Variants in PAPSS1 observed in about 807,000 individuals in gnomAD.
PAPSS1 encodes the protein 3'-phosphoadenosine 5'-phosphosulfate synthase 1.
A neutral mutation model predicts 72.0 loss-of-function variants in PAPSS1; 50 were observed. That is an observed-to-expected ratio of 0.69 (90% CI 0.55 to 0.88). PAPSS1 has a LOEUF of 0.88. Among genes scored for constraint, PAPSS1 ranks in the 40% least tolerant of loss-of-function variants. PAPSS1 has a pLI of 0.00. For synonymous variants in PAPSS1, 261 were observed against 263.6 expected (o/e 0.99, Z 0.09); for missense variants, 657 against 782.2 (o/e 0.84, Z 1.91).
intron 5 of PAPSS1, among the ~76,000 whole-genome samples, chr4:107,681,799 T>C (rs921845229): frequency 6.6e-6 from 1 of 152,086 alleles, no homozygotes; most frequent in Non-Finnish European, 1.5e-5. Flanking sequence ...CCTCCTGAGG[T>C]TTATACTGAC....
chr4:107,655,991 T>C (rs749280067), intron 7 of PAPSS1, among the ~76,000 whole-genome samples: 10 of 152,232 alleles, frequency 6.6e-5, no homozygotes, highest in Non-Finnish European at 1.0e-4. Context: ...GCAATTATAG[T>C]AGGGTTCTGT....
At chr4:107,716,751 C>A (rs1195888407) in intron 1 of PAPSS1, among the ~76,000 whole-genome samples, 2 of 152,196 alleles carry the variant, frequency 1.3e-5, no homozygotes, top group African/African-American at 4.8e-5. Flanking sequence ...AAGTCAATTT[C>A]TTGGTTTTTC....
chr4:107,643,348 C>G (rs1726605309), intron 10 of PAPSS1, among the ~76,000 whole-genome samples: 1 of 152,190 alleles, frequency 6.6e-6, no homozygotes, highest in African/African-American at 2.4e-5. Flanking sequence ...CTCCCATGGG[C>G]AGCCAACCCC....
chr4:107,671,633 TC>T (rs1484506973), intron 5 of PAPSS1, among the ~76,000 whole-genome samples: 1 of 152,138 alleles, frequency 6.6e-6, no homozygotes, highest in Non-Finnish European at 1.5e-5. Flanking sequence ...TGTACAGTCA[TC>T]CCTCAGTATC....
chr4:107,630,242 T>C (rs1395951732), intron 11 of PAPSS1, among the ~76,000 whole-genome samples: 2 of 152,258 alleles, frequency 1.3e-5, no homozygotes, highest in Non-Finnish European at 2.9e-5. Context: ...TTTATTTTTA[T>C]GTTTTAATTC....
At chr4:107,682,203 A>C (rs973612206) in intron 4 of PAPSS1, 70 bp from the exon 5 acceptor site, 19 of 779,126 alleles carry the variant, frequency 2.4e-5, no homozygotes, top group Non-Finnish European at 3.7e-5. Flanking sequence ...TTCAGTGCAG[A>C]TCTCTGCTAC....
chr4:107,705,818 G>C (rs1406654792), intron 1 of PAPSS1, among the ~76,000 whole-genome samples: 1 of 152,146 alleles, frequency 6.6e-6, no homozygotes, highest in Non-Finnish European at 1.5e-5. Flanking sequence ...TTTCAGCTTG[G>C]AGAACTCCCT....
At position 107,644,817 on chromosome 4, in the gene PAPSS1, A is replaced by G; in HGVS notation, c.1491T>C (p.Tyr497=). 1 of 1,612,562 alleles carries G rather than the reference A, an allele frequency of 6.2e-7. No homozygotes were observed. Among genetic ancestry groups the G allele is most frequent in the East Asian group, 2.2e-5 (1 of 44,860 alleles). Residue 497 remains tyrosine, a synonymous_variant, in exon 10 of 12, where the codon TAT becomes TAC. Transcript: ENST00000265174. ...AGCAGTCTACCTCAGTTGGTCCAGC[A>G]TACATCATGGGAGATGGGAAGATGG... ...VVAIFPSPMM[Y]AGPTEVQWHC...
At chr4:107,672,900 C>G (rs1432383396) in intron 5 of PAPSS1, among the ~76,000 whole-genome samples, 2 of 152,210 alleles carry the variant, frequency 1.3e-5, no homozygotes, top group Non-Finnish European at 2.9e-5. Flanking sequence ...ATTTACTGCT[C>G]ACCAATATCC....
In PAPSS1 at chr4:107,614,338, G is replaced by A. The variant is rs780318513; in HGVS notation, c.1786C>T (p.Arg596Ter). ...ISGTRMRKLA[R>*]EGQKPPEGFM... ...CCTTCAGGTGGTTTCTGGCCTTCTC[G>A]AGCAAGTTTGCGCATTCGTGTTCCT... Residue 596 changes from arginine to a stop codon, truncating the protein, a stop_gained, in exon 12 of 12, where the codon CGA becomes TGA. Coordinates refer to ENST00000265174, the MANE Select transcript of PAPSS1 (RefSeq NM_005443.5). LOFTEE classifies it high-confidence loss of function. 29 of 1,613,736 alleles carry A rather than the reference G, an allele frequency of 1.8e-5. No homozygotes were observed. The highest frequency in any genetic ancestry group is 4.0e-5 in the African/African-American group (3 of 74,906).
chr4:107,653,615 T>C lies in PAPSS1; in HGVS notation c.1113A>G (p.Glu371=). 6.2e-7 allele frequency: 1 copy of C among 1,611,578 alleles called. No individual in the cohort carries two copies. Among genetic ancestry groups the C allele is most frequent in the Non-Finnish European group, 8.5e-7 (1 of 1,179,216 alleles). Residue 371 remains glutamate (E), a synonymous_variant, in exon 9 of 12, where the codon GAA becomes GAG. Transcript: ENST00000265174. Reference sequence around the variant, plus strand: ...CTCCTCCAATCAGCCAATCTCCTTGTTCCATCACCATCTAATAGGAAAAAC... The same window carrying C: ...CTCCTCCAATCAGCCAATCTCCTTGCTCCATCACCATCTAATAGGAAAAAC... The part of the protein sequence containing the change: ...KNHPYIKMVM[E]QGDWLIGGDL...
At chr4:107,699,010 G>T (rs1054586369) in intron 2 of PAPSS1, among the ~76,000 whole-genome samples, 1 of 152,012 alleles carries the variant, frequency 6.6e-6, no homozygotes, top group Non-Finnish European at 1.5e-5. Flanking sequence ...TAGGGTGGGG[G>T]CAAGGTGATG....
At chr4:107,626,294 A>G (rs1231865920) in intron 11 of PAPSS1, among the ~76,000 whole-genome samples, 2 of 152,030 alleles carry the variant, frequency 1.3e-5, no homozygotes, top group African/African-American at 4.8e-5. Context: ...TCATTTACCC[A>G]TTTCCACAAG....
intron 1 of PAPSS1, among the ~76,000 whole-genome samples, chr4:107,711,065 A>C (rs1451184774): frequency 6.6e-6 from 1 of 152,222 alleles, no homozygotes; most frequent in African/African-American, 2.4e-5. Flanking sequence ...ATTTTCCACA[A>C]TGCCCAACCT....
intron 1 of PAPSS1, chr4:107,719,776 G>A: frequency 1.7e-6 from 2 of 1,143,776 alleles, no homozygotes; most frequent in Non-Finnish European, 1.1e-6. Flanking sequence ...TGCAGCCGCA[G>A]GTTTCAGCAC....
chr4:107,693,278 G>C (rs1459489740), intron 3 of PAPSS1, among the ~76,000 whole-genome samples: 1 of 152,164 alleles, frequency 6.6e-6, no homozygotes, highest in African/African-American at 2.4e-5. Flanking sequence ...CAAAAATCCT[G>C]AGATAAGAAA....
At chr4:107,661,175 A>G (rs1727171134) in intron 5 of PAPSS1, among the ~76,000 whole-genome samples, 2 of 152,220 alleles carry the variant, frequency 1.3e-5, no homozygotes. Flanking sequence ...CTATCAGGAT[A>G]GCCAAAATCC....
At chr4:107,715,247 G>A (rs771301664) in intron 1 of PAPSS1, among the ~76,000 whole-genome samples, 13 of 152,154 alleles carry the variant, frequency 8.5e-5, no homozygotes, top group Non-Finnish European at 1.6e-4. Context: ...ATCGTGAACC[G>A]GACAACACAG....
chr4:107,646,642 C>T (rs1417145738), intron 9 of PAPSS1, among the ~76,000 whole-genome samples: 1 of 152,118 alleles, frequency 6.6e-6, no homozygotes, highest in African/African-American at 2.4e-5. Flanking sequence ...AGTCTACACA[C>T]TGGTGAATAA....
Sources: allele counts gnomAD v4.1 joint callset (sites outside exome capture counted in the v4.1 genomes callset), GRCh38; gene constraint gnomAD v4.1.1; transcripts MANE v1.5; gene names NCBI Gene and HGNC (gene_info 2026-07-23, HGNC 2026-07-21).